The following AGBL4 variants were observed in gnomAD, a reference collection of about 807,000 sequenced individuals.
The protein encoded by AGBL4 is cytosolic carboxypeptidase 6.
A neutral mutation model predicts 66.4 loss-of-function variants in AGBL4; 58 were observed. The ratio of observed to expected loss-of-function variants is 0.87; its 90% CI spans 0.71 to 1.09. The LOEUF (loss-of-function observed/expected upper bound fraction) is 1.09, where lower values mean the gene tolerates loss of function less well. Among genes scored for constraint, AGBL4 ranks in the 50% least tolerant of loss-of-function variants. The probability of loss-of-function intolerance (pLI) is 0.00; values close to 1 mark genes in which losing one functional copy is unlikely to be tolerated. For synonymous variants in AGBL4, 234 were observed against 222.9 expected (o/e 1.05, Z -0.44); for missense variants, 579 against 631.0 (o/e 0.92, Z 0.88).
chr1:49,182,100 T>C (rs527281295), intron 4 of AGBL4, among the ~76,000 whole-genome samples: 176 of 152,254 alleles, frequency 1.2e-3, no homozygotes, highest in Admixed American at 3.3e-3. Context: ...ATCCTGGGCA[T>C]ATTAGACCAG....
In AGBL4 at chr1:50,023,936, G is replaced by T. The variant is rs1482378174; in HGVS notation, c.-140C>A. ...CCTGGGCAACGGGCGGCAGGCGCGC[G>T]GGTGGCCGGCGCGCGGCTGAGGGCG... On this transcript the variant is annotated 5_prime_UTR_variant, in exon 1 of 14. Coordinates refer to ENST00000371839, the MANE Select transcript of AGBL4 (RefSeq NM_032785.4). The T allele has an allele frequency of 9.5e-6, 9 of 944,446 alleles. No individual in the cohort carries two copies. The highest frequency in any genetic ancestry group is 1.7e-5 in the African/African-American group (1 of 57,390). 58.5% of individuals were successfully genotyped at this position (944,446 alleles called of 1,614,324 possible).
At chr1:49,740,171 C>T (rs1214927325) in intron 2 of AGBL4, among the ~76,000 whole-genome samples, 1 of 152,092 alleles carries the variant, frequency 6.6e-6, no homozygotes, top group Non-Finnish European at 1.5e-5. Flanking sequence ...CGTGCAGAGA[C>T]ACACATAGGC....
At chr1:49,625,127 C>T (rs922485082) in intron 3 of AGBL4, among the ~76,000 whole-genome samples, 1 of 152,158 alleles carries the variant, frequency 6.6e-6, no homozygotes, top group Non-Finnish European at 1.5e-5. Context: ...TCCACTTCCC[C>T]AGTTGTTCCC....
intron 3 of AGBL4, among the ~76,000 whole-genome samples, chr1:49,544,632 T>A (rs1430634407): frequency 6.6e-6 from 1 of 152,250 alleles, no homozygotes; most frequent in Admixed American, 6.5e-5. Context: ...GTACTTTTTA[T>A]GTGCGCAGCA....
intron 1 of AGBL4, among the ~76,000 whole-genome samples, chr1:49,905,876 T>C (rs913797753): frequency 2.0e-5 from 3 of 152,108 alleles, no homozygotes; most frequent in Non-Finnish European, 2.9e-5. Context: ...TTCTTGAGTC[T>C]GTATGTATTT....
intron 3 of AGBL4, among the ~76,000 whole-genome samples, chr1:49,282,890 AC>A (rs1476323771): frequency 1.3e-5 from 2 of 152,036 alleles, no homozygotes; most frequent in Non-Finnish European, 2.9e-5. Context: ...AGTCTCGCTG[AC>A]TGCTAGCACA....
intron 2 of AGBL4, among the ~76,000 whole-genome samples, chr1:49,835,099 A>G (rs1645811690): frequency 1.3e-5 from 2 of 152,174 alleles, no homozygotes; most frequent in African/African-American, 4.8e-5. Context: ...CACTTGGTCA[A>G]GAGCTGAGTT....
At chr1:49,925,574 G>A (rs1218748630) in intron 1 of AGBL4, among the ~76,000 whole-genome samples, 1 of 152,096 alleles carries the variant, frequency 6.6e-6, no homozygotes. Context: ...AGGTGGACTC[G>A]TGAGGTCTCT....
chr1:48,994,195 G>A (rs750417128), intron 5 of AGBL4, among the ~76,000 whole-genome samples: 7 of 152,154 alleles, frequency 4.6e-5, no homozygotes, highest in Admixed American at 6.5e-5. Context: ...AATGTCCCAC[G>A]TAATTTCACA....
chr1:49,717,394 G>A (rs1280454611), intron 2 of AGBL4, among the ~76,000 whole-genome samples: 2 of 151,962 alleles, frequency 1.3e-5, no homozygotes, highest in South Asian at 2.1e-4. Context: ...ATTTTATTCA[G>A]AGTAAATATC....
chr1:49,942,605 A>G (rs1396640387), intron 1 of AGBL4, among the ~76,000 whole-genome samples: 1 of 152,208 alleles, frequency 6.6e-6, no homozygotes, highest in Non-Finnish European at 1.5e-5. Flanking sequence ...TTCAATAAAT[A>G]GTGTTGGAAA....
chr1:48,798,328 T>A (rs1164689189), intron 6 of AGBL4, among the ~76,000 whole-genome samples: 1 of 151,988 alleles, frequency 6.6e-6, no homozygotes, highest in Non-Finnish European at 1.5e-5. Context: ...GGGATTATTA[T>A]TTTTTTTCTT....
chr1:49,367,588 C>T (rs576526010), intron 3 of AGBL4, among the ~76,000 whole-genome samples: 1 of 152,268 alleles, frequency 6.6e-6, no homozygotes, highest in South Asian at 2.1e-4. Context: ...GCTGAAAGAA[C>T]CAGGCTTGGA....
At chr1:49,897,503 T>C (rs569551881) in intron 1 of AGBL4, among the ~76,000 whole-genome samples, 47 of 152,106 alleles carry the variant, frequency 3.1e-4, no homozygotes, top group African/African-American at 1.1e-3. Context: ...ATTGGAAGAA[T>C]CAATATTATT....
intron 1 of AGBL4, among the ~76,000 whole-genome samples, chr1:49,954,141 T>TGTCTTAGCA (rs1255628852): frequency 1.3e-5 from 2 of 151,922 alleles, no homozygotes; most frequent in African/African-American, 4.8e-5. Flanking sequence ...GCAATCTCTC[T>TGTCTTAGCA]GTCTTAGCAT....
At chr1:48,626,809 T>C (rs534294140) in intron 9 of AGBL4, among the ~76,000 whole-genome samples, 60 of 152,134 alleles carry the variant, frequency 3.9e-4, no homozygotes, top group Non-Finnish European at 7.9e-4. Flanking sequence ...GAACAAAGGT[T>C]TGGGGACCCA....
intron 11 of AGBL4, chr1:48,586,274 G>T (rs1274305890): frequency 6.6e-6 from 1 of 152,168 alleles, no homozygotes; most frequent in Non-Finnish European, 1.5e-5. Context: ...AAGAAACTAA[G>T]AGGAAAAGGA....
intron 2 of AGBL4, among the ~76,000 whole-genome samples, chr1:49,741,870 T>C (rs1571455953): frequency 6.6e-6 from 1 of 152,008 alleles, no homozygotes; most frequent in East Asian, 1.9e-4. Context: ...CTAAAAACTC[T>C]CAATAAATTA....
chr1:48,588,798 C>A (rs1024093521), intron 10 of AGBL4, among the ~76,000 whole-genome samples: 13 of 113,112 alleles, frequency 1.1e-4, no homozygotes, highest in Admixed American at 5.7e-4. Flanking sequence ...CATTGAGGAT[C>A]AGAGAAGAGA....
Sources: allele counts gnomAD v4.1 joint callset (sites outside exome capture counted in the v4.1 genomes callset), GRCh38; gene constraint gnomAD v4.1.1; transcripts MANE v1.5; gene names NCBI Gene and HGNC (gene_info 2026-07-23, HGNC 2026-07-21).